Variants in LMCD1 observed in about 807,000 individuals in gnomAD.
LMCD1 encodes the protein LIM and cysteine rich domains 1.
In LMCD1, 32 loss-of-function variants were observed where a neutral mutation model predicts 42.7. That is an observed-to-expected ratio of 0.75 (90% confidence interval 0.57 to 1.01). The LOEUF (loss-of-function observed/expected upper bound fraction) is 1.01, where lower values mean the gene tolerates loss of function less well. Ranked by LOEUF, LMCD1 falls within the 50% of genes least tolerant of loss-of-function variation. LMCD1 has a pLI of 0.00. For synonymous variants in LMCD1, 178 were observed against 184.9 expected (o/e 0.96, Z 0.30); for missense variants, 458 against 483.1 (o/e 0.95, Z 0.49).
chr3:8,515,401 C>G (rs1045519446), intron 1 of LMCD1, among the ~76,000 whole-genome samples: 1 of 152,214 alleles, frequency 6.6e-6, no homozygotes, highest in African/African-American at 2.4e-5. Context: ...ACCATCAGTT[C>G]TGACTAAGTT....
intron 4 of LMCD1, among the ~76,000 whole-genome samples, chr3:8,565,126 T>C (rs1695103317): frequency 6.6e-6 from 1 of 152,226 alleles, no homozygotes; most frequent in Non-Finnish European, 1.5e-5. Flanking sequence ...TATCAATAGC[T>C]ATTACCCACA....
At chr3:8,537,130 T>A (rs1260291158) in intron 2 of LMCD1, 55 bp from the exon 3 acceptor site, 1 of 1,577,888 alleles carries the variant, frequency 6.3e-7, no homozygotes, top group East Asian at 2.3e-5. Flanking sequence ...AGCAGGAGAA[T>A]GTGCCTCTTT....
chr3:8,514,975 A>G (rs1433488314), intron 1 of LMCD1: 1 of 456,710 alleles, frequency 2.2e-6, no homozygotes, highest in Non-Finnish European at 4.4e-6. Flanking sequence ...AATACTGGAG[A>G]TTGGTGCATT....
chr3:8,514,878 T>A (rs1694069578), intron 1 of LMCD1: 1 of 453,012 alleles, frequency 2.2e-6, no homozygotes. Flanking sequence ...GAAAGTGGCC[T>A]GAGGGAACTT....
chr3:8,508,139 T>C (rs1181042878), intron 1 of LMCD1, among the ~76,000 whole-genome samples: 1 of 152,216 alleles, frequency 6.6e-6, no homozygotes, highest in Non-Finnish European at 1.5e-5. Context: ...TAGAGAGACC[T>C]TTTAAAGAAT....
chr3:8,547,406 C>T (rs913580208), intron 3 of LMCD1, among the ~76,000 whole-genome samples: 1 of 152,144 alleles, frequency 6.6e-6, no homozygotes, highest in Non-Finnish European at 1.5e-5. Flanking sequence ...ACTGGGTGCC[C>T]TTATTTAATA....
chr3:8,544,273 C>T (rs1414246947), intron 3 of LMCD1, among the ~76,000 whole-genome samples: 2 of 152,162 alleles, frequency 1.3e-5, no homozygotes, highest in East Asian at 1.9e-4. Context: ...GATACTTTCT[C>T]AGTCTGACAT....
chr3:8,527,862 G>A (rs559742288), intron 1 of LMCD1, among the ~76,000 whole-genome samples: 6 of 152,204 alleles, frequency 3.9e-5, no homozygotes, highest in Non-Finnish European at 5.9e-5. Context: ...GAGGGAACCC[G>A]TATGATATTT....
At chr3:8,557,795 A>G (rs1026568775) in intron 4 of LMCD1, among the ~76,000 whole-genome samples, 2 of 152,158 alleles carry the variant, frequency 1.3e-5, no homozygotes, top group African/African-American at 2.4e-5. Flanking sequence ...TTTGCTCACA[A>G]ATCACCATTT....
intron 1 of LMCD1, among the ~76,000 whole-genome samples, chr3:8,513,677 G>A (rs535335775): frequency 1.3e-5 from 2 of 152,252 alleles, no homozygotes; most frequent in African/African-American, 4.8e-5. Context: ...TTGATAAATA[G>A]AGGTAATATC....
rs751928508 is a variant in LMCD1 at position 8,548,660 on chromosome 3, G to T, written c.480G>T (p.Gln160His). 3.7e-6 allele frequency: 6 copies of T among 1,614,186 alleles called. No individual in the cohort carries two copies. Among genetic ancestry groups the T allele is most frequent in the Non-Finnish European group, 5.1e-6 (6 of 1,180,038 alleles). Residue 160 changes from glutamine to histidine, a missense_variant, in exon 4 of 6, where the codon CAG becomes CAT. Physicochemically the swap from Gln to His is conservative, Grantham distance 24 (BLOSUM62 0). Transcript: ENST00000157600. ...AFYRRRQLMH[Q>H]LPIYDQDPSR... ...ACCGCCGCCGCCAGCTCATGCACCA[G>T]CTCCCCATCTATGACCAGGATCCCT...
intron 1 of LMCD1, among the ~76,000 whole-genome samples, chr3:8,508,034 C>T (rs1693918304): frequency 1.3e-5 from 2 of 152,244 alleles, no homozygotes; most frequent in South Asian, 2.1e-4. Context: ...TCACCTACAC[C>T]AAATCAGAGC....
chr3:8,501,892 C>T lies in LMCD1; in HGVS notation c.-47C>T. On this transcript the variant is annotated 5_prime_UTR_variant, in exon 1 of 6. Coordinates refer to ENST00000157600, the MANE Select transcript of LMCD1 (RefSeq NM_014583.4). Reference sequence around the variant, plus strand: ...CCGCTGTCCCCGCTGCGCGCCCTCGCGCCTCTGCCTGAGAAGCCAGGCGCT... The same window carrying T: ...CCGCTGTCCCCGCTGCGCGCCCTCGTGCCTCTGCCTGAGAAGCCAGGCGCT... 2 of 1,562,568 alleles carry T rather than the reference C, an allele frequency of 1.3e-6. No homozygotes were observed. Among genetic ancestry groups the T allele is most frequent in the Non-Finnish European group, 1.7e-6 (2 of 1,153,036 alleles).
intron 3 of LMCD1, among the ~76,000 whole-genome samples, chr3:8,547,710 G>T (rs557210381): frequency 1.7e-4 from 25 of 150,016 alleles, no homozygotes; most frequent in African/African-American, 5.7e-4. Context: ...GGCTAACACG[G>T]TGAAACCCTG....
chr3:8,548,324 C>G (rs1010005318), intron 3 of LMCD1, among the ~76,000 whole-genome samples: 1 of 151,526 alleles, frequency 6.6e-6, no homozygotes, highest in Non-Finnish European at 1.5e-5. Context: ...TTTTCCTTTA[C>G]TAAAGTTTTT....
chr3:8,532,475 C>T (rs999448319), intron 1 of LMCD1, among the ~76,000 whole-genome samples: 16 of 152,156 alleles, frequency 1.1e-4, no homozygotes, highest in African/African-American at 3.6e-4. Context: ...TTTGAAACAG[C>T]ACTGGAGGCT....
In LMCD1 at chr3:8,565,428, C is replaced by T. The variant is rs1276767993; in HGVS notation, c.724-4C>T. On this transcript the variant is annotated splice_polypyrimidine_tract_variant and splice_region_variant and intron_variant, in intron 4 of 5. Coordinates refer to ENST00000157600, the MANE Select transcript of LMCD1 (RefSeq NM_014583.4). ...TCTCCTATGGTCCTTCCCCATCCTT[C>T]CAGGTCTGCGAGCTCTGCAAGGGAG... The T allele has an allele frequency of 2.5e-6, 4 of 1,612,736 alleles. No homozygotes were observed. In the South Asian group the frequency reaches 3.3e-5, roughly 13 times the overall value.
intron 1 of LMCD1, among the ~76,000 whole-genome samples, chr3:8,502,205 T>C (rs539011178): frequency 6.7e-5 from 9 of 133,588 alleles, no homozygotes; most frequent in South Asian, 2.3e-4. Flanking sequence ...TCTTTGGTGA[T>C]GCTAGTTAAA....
chr3:8,560,676 G>A (rs1203915193), intron 4 of LMCD1, among the ~76,000 whole-genome samples: 1 of 152,204 alleles, frequency 6.6e-6, no homozygotes, highest in African/African-American at 2.4e-5. Flanking sequence ...ACAGTTCCCA[G>A]CTATGCAGGA....
Sources: gnomAD v4.1 joint callset for allele counts (sites outside exome capture counted in the v4.1 genomes callset) on GRCh38, gnomAD v4.1.1 for gene constraint, MANE v1.5 for transcripts, NCBI Gene and HGNC (gene_info 2026-07-23, HGNC 2026-07-21) for gene names.